EDEM2: variants seen among roughly 807,000 people sequenced by gnomAD.
EDEM2 encodes the protein ER degradation-enhancing alpha-mannosidase-like protein 2.
EDEM2 carries 39 observed loss-of-function variants against 64.8 expected under a neutral mutation model. The ratio of observed to expected loss-of-function variants is 0.60; its 90% confidence interval spans 0.47 to 0.79. The LOEUF is 0.79. Ranked by LOEUF, EDEM2 falls within the 30% of genes least tolerant of loss-of-function variation. The pLI, the probability that EDEM2 is intolerant of heterozygous loss-of-function variation, is 0.00. For missense variants in EDEM2, 609 were observed against 731.3 expected (o/e 0.83, Z 1.93); for synonymous variants, 296 against 291.5 (o/e 1.02, Z -0.16).
chr20:35,137,091 T>A (rs901063524), intron 5 of EDEM2, among the ~76,000 whole-genome samples: 2 of 152,138 alleles, frequency 1.3e-5, no homozygotes, highest in African/African-American at 4.8e-5. Flanking sequence ...GAAGTAGAAA[T>A]TATGATTCTC....
intron 4 of EDEM2, 36 bp downstream of exon 4, chr20:35,142,336 CT>C: frequency 1.3e-6 from 2 of 1,546,692 alleles, no homozygotes; most frequent in Middle Eastern, 3.4e-4. Context: ...ACTTCACACT[CT>C]TTTTTCTTTT....
At position 35,146,912 on chromosome 20, in the gene EDEM2, T is replaced by C. The variant is rs767721809; in HGVS notation, c.131A>G (p.Tyr44Cys). The change falls in exon 2 of 11, where the codon TAC (tyrosine) becomes TGC (cysteine). Residue 44 changes from tyrosine to cysteine, a missense_variant. Tyr to Cys is a radical substitution (Grantham distance 194). Transcript: ENST00000374492. ...HYRERVKAMF[Y>C]HAYDSYLENA... ...CTCCAGGTAGCTGTCGTAGGCGTGG[T>C]AGAACATGGCCTTGACTCGCTCCCT... 2.7e-5 allele frequency: 44 copies of C among 1,613,984 alleles called. 1 individual carries two copies. In the East Asian group the frequency reaches 8.5e-4, roughly 31 times the overall value.
At chr20:35,127,185 T>C (rs2085445763) in intron 7 of EDEM2, among the ~76,000 whole-genome samples, 1 of 152,190 alleles carries the variant, frequency 6.6e-6, no homozygotes, top group Non-Finnish European at 1.5e-5. Flanking sequence ...TCCGCCACGA[T>C]TGTGAGGCCT....
chr20:35,126,450 G>A (rs919708395), intron 7 of EDEM2, 75 bp from the exon 8 acceptor site: 61 of 1,553,114 alleles, frequency 3.9e-5, no homozygotes, highest in Middle Eastern at 2.1e-4. Context: ...CAGCGGAAGC[G>A]AGAACTTACA....
At chr20:35,126,462 T>G (rs2085434049) in intron 7 of EDEM2, 87 bp from the exon 8 acceptor site, 1 of 1,503,932 alleles carries the variant, frequency 6.6e-7, no homozygotes, top group Non-Finnish European at 9.0e-7. Flanking sequence ...GAACTTACAC[T>G]TTGGAAAGAG....
chr20:35,137,969 T>A lies in EDEM2; in HGVS notation c.401A>T (p.Lys134Met), dbSNP rs1298803931. The change falls in exon 5 of 11, where the codon AAG becomes ATG. Residue 134 changes from lysine to methionine, a missense_variant. Transcript: ENST00000374492. ...GGLLSAHLLS[K>M]KAGVEVEAGW... Reference sequence around the variant, plus strand: ...AGCCTCTACTTCCACCCCAGCCTTCTTGGAGAGCAGATGAGCAGACAGGAG... The same window carrying A: ...AGCCTCTACTTCCACCCCAGCCTTCATGGAGAGCAGATGAGCAGACAGGAG... 6.2e-7 allele frequency: 1 copy of A among 1,614,034 alleles called. No individual in the cohort carries two copies. Among genetic ancestry groups the A allele is most frequent in the Non-Finnish European group, 8.5e-7 (1 of 1,180,014 alleles).
At chr20:35,117,232 C>G (rs1463955127) in intron 10 of EDEM2, 2 of 152,206 alleles carry the variant, frequency 1.3e-5, no homozygotes, top group East Asian at 3.8e-4. Flanking sequence ...TAGAGAATTT[C>G]AACTGAGTTT....
intron 4 of EDEM2, among the ~76,000 whole-genome samples, chr20:35,141,473 T>G (rs542193879): frequency 9.2e-5 from 14 of 152,308 alleles, no homozygotes; most frequent in Admixed American, 6.5e-4. Flanking sequence ...AGCCTCAAAC[T>G]CAGGCCGGAT....
intron 9 of EDEM2, among the ~76,000 whole-genome samples, chr20:35,121,996 C>T (rs1364121010): frequency 6.6e-6 from 1 of 152,078 alleles, no homozygotes; most frequent in East Asian, 1.9e-4. Flanking sequence ...GCTATGTTGC[C>T]CAGGCTGATC....
At chr20:35,142,512 C>G in intron 3 of EDEM2, 34 bp from the exon 4 acceptor site, 1 of 1,531,058 alleles carries the variant, frequency 6.5e-7, no homozygotes, top group Non-Finnish European at 9.0e-7. Flanking sequence ...CAATGAGGCT[C>G]TTACATGCAT....
chr20:35,147,322 A>G lies in EDEM2; in HGVS notation c.-64T>C. 1 of 1,403,184 alleles carries G rather than the reference A, an allele frequency of 7.1e-7. No individual in the cohort carries two copies. The highest frequency in any genetic ancestry group is 9.3e-7 in the Non-Finnish European group (1 of 1,072,946). 86.9% of individuals were successfully genotyped at this position (1,403,184 alleles called of 1,614,324 possible). A position where few individuals can be genotyped will look rare whatever the true frequency, so the allele number is the denominator to read the frequency against. On this transcript the variant is annotated 5_prime_UTR_variant, in exon 1 of 11. Transcript: ENST00000374492. The stretch of plus-strand genomic sequence containing the variant: ...GCCACTGCAACCAGTTCATCCTGGG[A>G]GCTGCTGCGGGTTCTTCCGGGAATC...
At chr20:35,141,099 G>A (rs374808893) in intron 4 of EDEM2, among the ~76,000 whole-genome samples, 5 of 117,188 alleles carry the variant, frequency 4.3e-5, no homozygotes, top group African/African-American at 1.0e-4. Context: ...CCGCCTGGGC[G>A]ACAGAGTGAG....
rs558096171 is a variant in EDEM2, at chr20:35,118,765, G to T, written c.1115-46C>A. On this transcript the variant is annotated intron_variant, in intron 9 of 10. Transcript: ENST00000374492. ...CCTCCTCACTCAGTGGCTGCACAGA[G>T]ATGGCCTGGGGCCTCTTAGGGCCGT... The T allele has an allele frequency of 1.9e-6, 3 of 1,607,912 alleles. No individual in the cohort carries two copies. The South Asian group carries it at 3.3e-5, about 18-fold the overall frequency.
rs184163687 is a variant in EDEM2 at position 35,133,536 on chromosome 20, G to A, written c.702+1202C>T. Among the ~76,000 whole-genome samples the A allele has an allele frequency of 1.4e-3, 219 of 151,374 alleles. 1 individual carries two copies. The highest frequency in any genetic ancestry group is 5.2e-3 in the African/African-American group (215 of 41,198). ...GGCTGGAATGCAATGGCGCGATCTC[G>A]GCTCATCCCAACCTCCACCTCCCAG... On this transcript the variant is annotated intron_variant, in intron 6 of 10. Transcript: ENST00000374492.
At chr20:35,143,768 G>A (rs2085690204) in intron 3 of EDEM2, among the ~76,000 whole-genome samples, 1 of 152,142 alleles carries the variant, frequency 6.6e-6, no homozygotes, top group Non-Finnish European at 1.5e-5. Flanking sequence ...ACAGGTTGGA[G>A]TGCAGTGGTG....
At chr20:35,134,981 G>A in intron 5 of EDEM2, 32 bp from the exon 6 acceptor site, 3 of 1,605,576 alleles carry the variant, frequency 1.9e-6, no homozygotes, top group Non-Finnish European at 2.6e-6. Context: ...ATCCCGGACA[G>A]GAGCAGGGGG....
At chr20:35,119,816 G>A (rs898321900) in intron 9 of EDEM2, among the ~76,000 whole-genome samples, 7 of 151,912 alleles carry the variant, frequency 4.6e-5, no homozygotes, top group South Asian at 4.2e-4. Context: ...TAGAGATAAG[G>A]AAATCCAAAA....
intron 9 of EDEM2, among the ~76,000 whole-genome samples, chr20:35,121,543 G>A (rs1364756434): frequency 6.6e-6 from 1 of 152,172 alleles, no homozygotes; most frequent in Non-Finnish European, 1.5e-5. Context: ...ACGGCCTGGG[G>A]GTTGGGGAAT....
At chr20:35,118,374 A>G (rs574242841) in intron 10 of EDEM2, 1 of 568,076 alleles carries the variant, frequency 1.8e-6, no homozygotes, top group Non-Finnish European at 3.0e-6. Flanking sequence ...CAAGATCCCA[A>G]GGAACTAATT....
Sources: allele counts gnomAD v4.1 joint callset (sites outside exome capture counted in the v4.1 genomes callset), GRCh38; gene constraint gnomAD v4.1.1; transcripts MANE v1.5; gene names NCBI Gene and HGNC (gene_info 2026-07-23, HGNC 2026-07-21).